Variants in PTPN4 observed in about 807,000 individuals in gnomAD.
The protein encoded by PTPN4 is tyrosine-protein phosphatase non-receptor type 4.
Under a neutral mutation model 135.5 loss-of-function variants are expected in PTPN4, and 49 were observed. The observed-to-expected ratio is 0.36, with a 90% CI of 0.29 to 0.46. The LOEUF (loss-of-function observed/expected upper bound fraction) is 0.46, where lower values mean the gene tolerates loss of function less well. Ranked by LOEUF, PTPN4 falls within the 20% of genes least tolerant of loss-of-function variation. The pLI is 1.00. For missense variants in PTPN4, 860 were observed against 1,101.0 expected (o/e 0.78, Z 3.10); for synonymous variants, 333 against 369.9 (o/e 0.90, Z 1.14).
chr2:119,907,545 C>A (rs1289968086), intron 10 of PTPN4, among the ~76,000 whole-genome samples: 1 of 152,050 alleles, frequency 6.6e-6, no homozygotes, highest in South Asian at 2.1e-4. Flanking sequence ...TTAAGGGTTA[C>A]AGTGGGCTAT....
intron 1 of PTPN4, among the ~76,000 whole-genome samples, chr2:119,786,620 G>A (rs1461184612): frequency 6.6e-6 from 1 of 152,034 alleles, no homozygotes; most frequent in Non-Finnish European, 1.5e-5. Flanking sequence ...ACTGGATTCT[G>A]GGGATAAGTA....
intron 15 of PTPN4, among the ~76,000 whole-genome samples, chr2:119,939,501 A>G (rs947862509): frequency 2.6e-5 from 4 of 152,014 alleles, no homozygotes; most frequent in African/African-American, 4.8e-5. Context: ...GGGTTGCATC[A>G]TGTTGCCCAA....
At chr2:119,784,696 ATT>A (rs58879330) in intron 1 of PTPN4, among the ~76,000 whole-genome samples, 9 of 110,142 alleles carry the variant, frequency 8.2e-5, no homozygotes, top group Admixed American at 1.9e-4. Flanking sequence ...TGCCCAGCTA[ATT>A]TTTTTTTTTT....
intron 2 of PTPN4, among the ~76,000 whole-genome samples, chr2:119,812,702 A>G (rs969252505): frequency 1.3e-5 from 2 of 152,172 alleles, no homozygotes; most frequent in Non-Finnish European, 2.9e-5. Context: ...TGTCCCTCTC[A>G]TGCCGTGAAT....
At chr2:119,811,568 G>C (rs974433451) in intron 2 of PTPN4, among the ~76,000 whole-genome samples, 1 of 152,218 alleles carries the variant, frequency 6.6e-6, no homozygotes, top group African/African-American at 2.4e-5. Context: ...CTATTTAATA[G>C]AAACTCTCAT....
intron 1 of PTPN4, among the ~76,000 whole-genome samples, chr2:119,775,043 A>C (rs1189604694): frequency 2.8e-5 from 4 of 144,102 alleles, no homozygotes; most frequent in Non-Finnish European, 6.0e-5. Flanking sequence ...ATCATTGAGG[A>C]GAAAAGATAT....
chr2:119,967,853 A>G lies in PTPN4; in HGVS notation c.2575A>G (p.Thr859Ala). The change falls in exon 26 of 27, where the codon ACT becomes GCT. Residue 859 changes from threonine (T) to alanine (A), a missense_variant. Thr to Ala is a moderately conservative substitution (Grantham distance 58, BLOSUM62 0). Transcript: ENST00000263708. ...VVHCSAGIGR[T>A]GVLITMETAM... The stretch of plus-strand genomic sequence containing the variant: ...CTTTTTTAGTGCTGGAATCGGAAGA[A>G]CTGGGGTTCTTATTACTATGGAAAC... The G allele has an allele frequency of 6.2e-7, 1 of 1,607,036 alleles. No individual in the cohort carries two copies. Among genetic ancestry groups the G allele is most frequent in the Non-Finnish European group, 8.5e-7 (1 of 1,175,528 alleles).
chr2:119,974,831 TA>T (rs1323748899), intron 26 of PTPN4, among the ~76,000 whole-genome samples: 9 of 152,252 alleles, frequency 5.9e-5, no homozygotes, highest in African/African-American at 2.2e-4. Flanking sequence ...TATCATAGGT[TA>T]ATGCTTATGC....
At chr2:119,795,884 T>G (rs1691247880) in intron 1 of PTPN4, among the ~76,000 whole-genome samples, 1 of 152,178 alleles carries the variant, frequency 6.6e-6, no homozygotes, top group South Asian at 2.1e-4. Flanking sequence ...CCCATCGCAA[T>G]GGCTCAGGAG....
chr2:119,920,689 C>T (rs779564016), intron 12 of PTPN4, among the ~76,000 whole-genome samples: 5 of 152,106 alleles, frequency 3.3e-5, no homozygotes, highest in Non-Finnish European at 5.9e-5. Flanking sequence ...AAAACAGTCA[C>T]GAGGCAAAAT....
intron 19 of PTPN4, among the ~76,000 whole-genome samples, chr2:119,954,064 T>C (rs886478027): frequency 7.2e-5 from 11 of 152,254 alleles, no homozygotes; most frequent in African/African-American, 2.7e-4. Context: ...AATTTAAAAC[T>C]GTGTTTGCCA....
intron 5 of PTPN4, 44 bp downstream of exon 5, chr2:119,877,586 C>G (rs1461837365): frequency 1.9e-6 from 3 of 1,547,616 alleles, no homozygotes; most frequent in Non-Finnish European, 2.6e-6. Context: ...TGTCAAAACT[C>G]TAATATGAAA....
chr2:119,829,577 A>G (rs1401015973), intron 2 of PTPN4, among the ~76,000 whole-genome samples: 1 of 152,134 alleles, frequency 6.6e-6, no homozygotes, highest in African/African-American at 2.4e-5. Flanking sequence ...CATACAATAT[A>G]TGTCTTATTG....
intron 26 of PTPN4, among the ~76,000 whole-genome samples, chr2:119,976,138 G>A (rs945625203): frequency 2.6e-5 from 4 of 151,584 alleles, no homozygotes; most frequent in Non-Finnish European, 5.9e-5. Flanking sequence ...TGGGACTACA[G>A]GCACCCACTA....
At chr2:119,913,223 A>C (rs991564892) in intron 10 of PTPN4, among the ~76,000 whole-genome samples, 1 of 152,090 alleles carries the variant, frequency 6.6e-6, no homozygotes, top group Admixed American at 6.6e-5. Context: ...ATGAGTGTAT[A>C]TATCTAGGAG....
chr2:119,795,514 G>A (rs1186967368), intron 1 of PTPN4, among the ~76,000 whole-genome samples: 1 of 152,228 alleles, frequency 6.6e-6, no homozygotes, highest in South Asian at 2.1e-4. Flanking sequence ...ACTGCTTCTG[G>A]TGTGTGCATA....
intron 1 of PTPN4, among the ~76,000 whole-genome samples, chr2:119,805,770 T>C (rs979400263): frequency 1.6e-4 from 25 of 152,188 alleles, no homozygotes; most frequent in Admixed American, 3.9e-4. Flanking sequence ...GTGGGCTCTT[T>C]TTTGGTTCTA....
chr2:119,888,009 T>C (rs979467997), intron 9 of PTPN4, among the ~76,000 whole-genome samples: 2 of 152,172 alleles, frequency 1.3e-5, no homozygotes, highest in African/African-American at 4.8e-5. Flanking sequence ...AGGCATGGGA[T>C]TTTTTCTATT....
intron 1 of PTPN4, among the ~76,000 whole-genome samples, chr2:119,776,545 C>G (rs562965501): frequency 3.3e-5 from 5 of 152,272 alleles, no homozygotes; most frequent in South Asian, 4.1e-4. Context: ...TGTAAAGTTA[C>G]GTGGAGTGTG....
Sources: allele counts gnomAD v4.1 joint callset (sites outside exome capture counted in the v4.1 genomes callset), GRCh38; gene constraint gnomAD v4.1.1; transcripts MANE v1.5; gene names NCBI Gene and HGNC (gene_info 2026-07-23, HGNC 2026-07-21).